KLHL8: variants seen among roughly 807,000 people sequenced by gnomAD.
The protein encoded by KLHL8 is kelch-like protein 8.
KLHL8 carries 38 observed loss-of-function variants against 63.5 expected under a neutral mutation model. The observed-to-expected ratio is 0.60, with a 90% CI of 0.46 to 0.78. The LOEUF (loss-of-function observed/expected upper bound fraction) is 0.78. KLHL8 is among the 30% of genes least tolerant of loss of function. The pLI, the probability that KLHL8 is intolerant of heterozygous loss-of-function variation, is 0.00. For synonymous variants in KLHL8, 224 were observed against 254.3 expected, an observed-to-expected ratio of 0.88 and a Z score of 1.13; for missense variants, 566 against 752.4, an observed-to-expected ratio of 0.75 and a Z score of 2.90.
At chr4:87,222,567 TTTTA>T (rs985292471), upstream of KLHL8, among the ~76,000 whole-genome samples, 31 of 152,218 alleles carry the variant, frequency 2.0e-4, no homozygotes, top group African/African-American at 7.2e-4. Flanking sequence ...ACAATATGTA[TTTTA>T]TTTATTTATT....
chr4:87,177,967 C>T (rs1182161549), intron 5 of KLHL8, among the ~76,000 whole-genome samples: 1 of 151,966 alleles, frequency 6.6e-6, no homozygotes, highest in Non-Finnish European at 1.5e-5. Flanking sequence ...ACTGTGACTA[C>T]TTCTGGGTGT....
intron 6 of KLHL8, among the ~76,000 whole-genome samples, chr4:87,174,709 T>C (rs967032423): frequency 5.3e-5 from 8 of 152,224 alleles, no homozygotes; most frequent in Non-Finnish European, 8.8e-5. Context: ...TCTAGTTTTA[T>C]ACAAATTATT....
chr4:87,217,696 C>G (rs1732655197), intron 1 of KLHL8, among the ~76,000 whole-genome samples: 1 of 149,578 alleles, frequency 6.7e-6, no homozygotes, highest in South Asian at 2.1e-4. Flanking sequence ...ACTTTGTTGC[C>G]CAGGATGGTC....
intron 1 of KLHL8, among the ~76,000 whole-genome samples, chr4:87,210,600 G>A (rs1310458788): frequency 6.6e-6 from 1 of 152,206 alleles, no homozygotes; most frequent in Non-Finnish European, 1.5e-5. Context: ...ACCCCTGAAA[G>A]TTGATGGAAG....
rs1491197774 is a variant in KLHL8, at chr4:87,226,737, ATT to A, written n.58-5349_58-5348del. On this transcript the variant is annotated intron_variant and non_coding_transcript_variant, in intron 1 of 1. Transcript: ENST00000506274. ...ATATTATTTATATATAATATATATT[ATT>A]TATATATAATATATATTATTTATAT... Among the ~76,000 whole-genome samples the A allele has an allele frequency of 6.2e-3, 69 of 11,094 alleles. 24 individuals carry two copies. Among genetic ancestry groups the A allele is most frequent in the African/African-American group, 0.034 (68 of 2,016 alleles). The allele number at this position is 11,094 out of a possible 152,430, so 7.3% of individuals were successfully genotyped here. A position where few individuals can be genotyped will look rare whatever the true frequency, so the allele number is the denominator to read the frequency against.
intron 4 of KLHL8, among the ~76,000 whole-genome samples, chr4:87,179,887 T>TA (rs1730985929): frequency 6.6e-6 from 1 of 151,916 alleles, no homozygotes. Flanking sequence ...CTGGAGGGCA[T>TA]AAAACACAGA....
At chr4:87,238,808 C>T (rs1159271323) in intron 1 of KLHL8, among the ~76,000 whole-genome samples, 2 of 152,124 alleles carry the variant, frequency 1.3e-5, no homozygotes, top group East Asian at 1.9e-4. Context: ...CTTTTCAGTG[C>T]TCAAGCATCC....
chr4:87,183,912 T>C (rs1374154641), intron 3 of KLHL8, among the ~76,000 whole-genome samples: 1 of 152,228 alleles, frequency 6.6e-6, no homozygotes, highest in East Asian at 1.9e-4. Flanking sequence ...GGGAATATAC[T>C]AACTTAGGGA....
At chr4:87,206,331 C>G (rs1337970295) in intron 1 of KLHL8, among the ~76,000 whole-genome samples, 1 of 152,194 alleles carries the variant, frequency 6.6e-6, no homozygotes, top group Non-Finnish European at 1.5e-5. Flanking sequence ...TCAAACTGTC[C>G]TTTCCAAACT....
chr4:87,214,445 T>G (rs911196178), intron 1 of KLHL8, among the ~76,000 whole-genome samples: 10 of 94,452 alleles, frequency 1.1e-4, no homozygotes, highest in Non-Finnish European at 2.2e-4. Context: ...TATATATATA[T>G]ATATATATAT....
intron 1 of KLHL8, among the ~76,000 whole-genome samples, chr4:87,227,451 A>G (rs1191312670): frequency 6.6e-6 from 1 of 152,144 alleles, no homozygotes; most frequent in Non-Finnish European, 1.5e-5. Flanking sequence ...ACCAGCCTGG[A>G]GAACACAGCA....
At chr4:87,203,479 A>G (rs59698994) in intron 1 of KLHL8, among the ~76,000 whole-genome samples, 1,731 of 151,662 alleles carry the variant, frequency 0.011, 38 homozygotes, top group African/African-American at 0.04. Flanking sequence ...GCAGTGAGCC[A>G]AAATGTGCCA....
chr4:87,173,737 T>C (rs1431462547), intron 6 of KLHL8, among the ~76,000 whole-genome samples: 1 of 152,214 alleles, frequency 6.6e-6, no homozygotes, highest in Non-Finnish European at 1.5e-5. Flanking sequence ...ATTCAATCTT[T>C]GGCTAAAAAC....
chr4:87,213,947 T>C (rs1732496987), intron 1 of KLHL8, among the ~76,000 whole-genome samples: 1 of 152,200 alleles, frequency 6.6e-6, no homozygotes, highest in South Asian at 2.1e-4. Context: ...AAAATTACTC[T>C]GAGCCTCAGC....
At chr4:87,165,537 G>A (rs1730365079) in intron 8 of KLHL8, among the ~76,000 whole-genome samples, 1 of 151,636 alleles carries the variant, frequency 6.6e-6, no homozygotes, top group African/African-American at 2.4e-5. Flanking sequence ...GGAACTATAG[G>A]CATATGCCAC....
rs773794478 is a variant in KLHL8 at position 87,163,656 on chromosome 4, G to C, written c.1740-14C>G. On this transcript the variant is annotated splice_polypyrimidine_tract_variant and intron_variant, in intron 9 of 9. Coordinates refer to ENST00000273963, the MANE Select transcript of KLHL8 (RefSeq NM_020803.5). The stretch of plus-strand genomic sequence containing the variant: ...ACAAGCTCCCACCTGAAAAGACGGA[G>C]AAGAAAAAATGTTACAAAGCATAAT... 1 of 1,610,300 alleles carries C rather than the reference G, an allele frequency of 6.2e-7. No individual in the cohort carries two copies. Among genetic ancestry groups the C allele is most frequent in the East Asian group, 2.2e-5 (1 of 44,862 alleles).
At position 87,163,199 on chromosome 4, in the gene KLHL8, T is replaced by G. The variant is rs1730243518; in HGVS notation, c.*320A>C. 1 of 183,812 alleles carries G rather than the reference T, an allele frequency of 5.4e-6. No individual in the cohort carries two copies. 11.4% of individuals were successfully genotyped at this position (183,812 alleles called of 1,614,324 possible). Reference sequence around the variant, plus strand: ...AAAACTCAACAAATTACATTTTGATTCATCCAAATAGAGAGAGAGAGAGAG... The same window carrying G: ...AAAACTCAACAAATTACATTTTGATGCATCCAAATAGAGAGAGAGAGAGAG... On this transcript the variant is annotated 3_prime_UTR_variant, in exon 10 of 10. Coordinates refer to ENST00000273963, the MANE Select transcript of KLHL8 (RefSeq NM_020803.5).
At chr4:87,173,124 C>T (rs1259284723) in intron 6 of KLHL8, among the ~76,000 whole-genome samples, 1 of 152,068 alleles carries the variant, frequency 6.6e-6, no homozygotes, top group Non-Finnish European at 1.5e-5. Context: ...GAAGGCTCTT[C>T]ATCTCCCTCC....
intron 1 of KLHL8, among the ~76,000 whole-genome samples, chr4:87,219,349 C>T (rs1205135579): frequency 6.6e-6 from 1 of 152,134 alleles, no homozygotes; most frequent in Non-Finnish European, 1.5e-5. Flanking sequence ...ATAAAGAACA[C>T]CAAGAGTCCA....
Sources: allele counts gnomAD v4.1 joint callset (sites outside exome capture counted in the v4.1 genomes callset), GRCh38; gene constraint gnomAD v4.1.1; transcripts MANE v1.5; gene names NCBI Gene and HGNC (gene_info 2026-07-23, HGNC 2026-07-21).